Variants in LRP1B observed in about 807,000 individuals in gnomAD.
LRP1B encodes the protein low-density lipoprotein receptor-related protein 1B.
Under a neutral mutation model 556.6 loss-of-function variants are expected in LRP1B, and 217 were observed. The ratio of observed to expected loss-of-function variants is 0.39; its 90% CI spans 0.35 to 0.44. The LOEUF is 0.44. LRP1B is among the 20% of genes least tolerant of loss of function. The pLI, the probability that LRP1B is intolerant of heterozygous loss-of-function variation, is 1.00. For missense variants in LRP1B, 5,053 were observed against 5,620.8 expected, an observed-to-expected ratio of 0.90 and a Z score of 3.23; for synonymous variants, 2,047 against 1,865.8, an observed-to-expected ratio of 1.10 and a Z score of -2.50.
chr2:140,715,012 G>C (rs1310942457), intron 37 of LRP1B, among the ~76,000 whole-genome samples: 1 of 152,060 alleles, frequency 6.6e-6, no homozygotes, highest in Non-Finnish European at 1.5e-5. Flanking sequence ...AAAAATATAA[G>C]AAGAGCATTG....
chr2:140,578,687 A>G (rs1192168845), intron 43 of LRP1B, among the ~76,000 whole-genome samples: 1 of 152,102 alleles, frequency 6.6e-6, no homozygotes, highest in African/African-American at 2.4e-5. Context: ...ACATGTATAC[A>G]TATGTAACAA....
At chr2:140,779,952 A>G (rs1009422849) in intron 32 of LRP1B, among the ~76,000 whole-genome samples, 1 of 152,084 alleles carries the variant, frequency 6.6e-6, no homozygotes, top group Admixed American at 6.5e-5. Context: ...GGAAAGCCCC[A>G]GAATAAATGC....
At chr2:140,598,283 T>A (rs1682520063) in intron 43 of LRP1B, among the ~76,000 whole-genome samples, 1 of 152,202 alleles carries the variant, frequency 6.6e-6, no homozygotes, top group African/African-American at 2.4e-5. Context: ...GGACAACTAA[T>A]CAATTTTATT....
At chr2:141,606,402 A>G (rs1687919139) in intron 2 of LRP1B, among the ~76,000 whole-genome samples, 1 of 152,234 alleles carries the variant, frequency 6.6e-6, no homozygotes, top group Admixed American at 6.5e-5. Flanking sequence ...GCTAAAAACC[A>G]ATGTTTAAAA....
intron 3 of LRP1B, among the ~76,000 whole-genome samples, chr2:141,311,752 A>G (rs1487416204): frequency 1.3e-5 from 2 of 152,186 alleles, no homozygotes; most frequent in Admixed American, 6.5e-5. Flanking sequence ...TGTCAGTGCT[A>G]TGCTCATGAA....
intron 41 of LRP1B, among the ~76,000 whole-genome samples, chr2:140,654,015 G>A (rs551968077): frequency 2.1e-5 from 2 of 95,038 alleles, no homozygotes; most frequent in South Asian, 7.5e-4. Flanking sequence ...ACAAGAGCAA[G>A]ACTCCATCTC....
intron 18 of LRP1B, among the ~76,000 whole-genome samples, chr2:140,966,282 G>C (rs1696218711): frequency 6.6e-6 from 1 of 152,184 alleles, no homozygotes; most frequent in African/African-American, 2.4e-5. Context: ...TTGTGGTTTT[G>C]ATTTGCATTT....
rs369522771 is a variant in LRP1B at position 140,239,506 on chromosome 2, C to A, written c.13351G>T (p.Val4451Phe). The A allele has an allele frequency of 1.2e-6, 2 of 1,601,842 alleles. No homozygotes were observed. The highest frequency in any genetic ancestry group is 1.7e-6 in the Non-Finnish European group (2 of 1,172,644). The change falls in exon 88 of 91, where the codon GTC (valine) becomes TTC (phenylalanine). Residue 4451 changes from valine (V) to phenylalanine (F), a missense_variant. By Grantham distance (50) the Val-to-Phe change is conservative. Around this residue, in one of 5 missense-constraint regions of LRP1B, gnomAD observed 551 missense variants for 592.0 expected, o/e 0.93. Transcript: ENST00000389484. The stretch of plus-strand genomic sequence containing the variant: ...GTGGTTATCAAAGTCACCAAGAGGA[C>A]GAGAGGCACAATGATGGCAATGCTT... ...TRSIAIIVPL[V>F]LLVTLITTLV...
At chr2:141,739,321 G>T (rs1403775117) in intron 2 of LRP1B, among the ~76,000 whole-genome samples, 1 of 151,826 alleles carries the variant, frequency 6.6e-6, no homozygotes, top group Non-Finnish European at 1.5e-5. Context: ...ACCTCAAGAA[G>T]TACTGAAAAA....
intron 67 of LRP1B, among the ~76,000 whole-genome samples, chr2:140,383,618 A>G (rs966658906): frequency 1.3e-5 from 2 of 152,104 alleles, no homozygotes; most frequent in Non-Finnish European, 2.9e-5. Flanking sequence ...AAACATGTTA[A>G]TATACTTTGA....
rs374635341 is a variant in LRP1B at position 140,672,822 on chromosome 2, A to G, written c.6799+27428T>C. 2.6e-4 allele frequency among the ~76,000 whole-genome samples: 39 copies of G among 152,288 alleles called. No homozygotes were observed. The South Asian group carries it at 5.8e-3, about 23-fold the overall frequency. ...CTTCTTGTATGTCCTGGGAATTTGC[A>G]CCATTAAACAAGAGGCCCCTACACA... On this transcript the variant is annotated intron_variant, in intron 41 of 90. Coordinates refer to ENST00000389484, the MANE Select transcript of LRP1B (RefSeq NM_018557.3).
rs150523207 is a variant in LRP1B at position 140,850,563 on chromosome 2, A to G, written c.4712-234T>C. Among the ~76,000 whole-genome samples the G allele has an allele frequency of 3.3e-3, 506 of 152,258 alleles. 4 individuals are homozygous for G. The highest frequency in any genetic ancestry group is 0.012 in the African/African-American group (487 of 41,552). On this transcript the variant is annotated intron_variant, in intron 28 of 90. Transcript: ENST00000389484. Reference sequence around the variant, plus strand: ...ATTTTTCTTTAGCTAGAAACACCCAAACATTCTCAGTAATCAATTCTCACT... The same window carrying G: ...ATTTTTCTTTAGCTAGAAACACCCAGACATTCTCAGTAATCAATTCTCACT...
chr2:140,295,403 CAGA>C (rs1453885773), intron 84 of LRP1B, among the ~76,000 whole-genome samples: 4 of 152,128 alleles, frequency 2.6e-5, no homozygotes, highest in Admixed American at 6.5e-5. Flanking sequence ...CTTGCTTCTG[CAGA>C]AGAAGTCCCT....
At chr2:140,637,874 G>T (rs1358732581) in intron 41 of LRP1B, among the ~76,000 whole-genome samples, 1 of 152,138 alleles carries the variant, frequency 6.6e-6, no homozygotes, top group Non-Finnish European at 1.5e-5. Context: ...TGTTAAAGTT[G>T]TAGGTTACAA....
chr2:140,813,858 T>C (rs1294985275), intron 31 of LRP1B, 52 bp from the exon 32 acceptor site: 2 of 1,342,282 alleles, frequency 1.5e-6, no homozygotes, highest in Non-Finnish European at 2.1e-6. Flanking sequence ...TAAATTGTAA[T>C]ATCCACCTAG....
chr2:140,493,131 C>G (rs1688773640), intron 56 of LRP1B, among the ~76,000 whole-genome samples: 1 of 152,062 alleles, frequency 6.6e-6, no homozygotes, highest in South Asian at 2.1e-4. Context: ...CAGTGAAGAC[C>G]AAGAGTATCA....
At chr2:141,470,472 A>T (rs1200541510) in intron 3 of LRP1B, among the ~76,000 whole-genome samples, 2 of 152,202 alleles carry the variant, frequency 1.3e-5, no homozygotes, top group Non-Finnish European at 2.9e-5. Flanking sequence ...TCTTCAGTTG[A>T]AATTCTACAA....
chr2:142,121,767 G>GT (rs1262209956), intron 1 of LRP1B, among the ~76,000 whole-genome samples: 2 of 151,982 alleles, frequency 1.3e-5, no homozygotes, highest in Non-Finnish European at 2.9e-5. Context: ...TGTCTACCTT[G>GT]TTCACTTGCT....
chr2:141,972,379 C>A (rs1290535533), intron 1 of LRP1B, among the ~76,000 whole-genome samples: 1 of 151,382 alleles, frequency 6.6e-6, no homozygotes, highest in Non-Finnish European at 1.5e-5. Flanking sequence ...GAAACATTTT[C>A]AAAGCTAGTT....
Sources: gnomAD v4.1 joint callset for allele counts (sites outside exome capture counted in the v4.1 genomes callset) on GRCh38, gnomAD v4.1.1 for gene constraint, gnomAD v4.1.1 regional missense constraint, MANE v1.5 for transcripts, NCBI Gene and HGNC (gene_info 2026-07-23, HGNC 2026-07-21) for gene names.